The following ZNF804B variants were observed in gnomAD, a reference collection of about 807,000 sequenced individuals.
The protein encoded by ZNF804B is zinc finger 804B.
Under a neutral mutation model 101.4 loss-of-function variants are expected in ZNF804B, and 80 were observed. The ratio of observed to expected loss-of-function variants is 0.79; its 90% CI spans 0.66 to 0.95. The LOEUF is 0.95. ZNF804B is among the 40% of genes least tolerant of loss of function. ZNF804B has a pLI of 0.00. For synonymous variants in ZNF804B, 622 were observed against 558.8 expected (o/e 1.11, Z -1.59); for missense variants, 1,673 against 1,561.9 (o/e 1.07, Z -1.20).
At chr7:89,051,897 A>G (rs1203525744) in intron 1 of ZNF804B, among the ~76,000 whole-genome samples, 1 of 152,134 alleles carries the variant, frequency 6.6e-6, no homozygotes, top group Non-Finnish European at 1.5e-5. Context: ...TAAAATGGAA[A>G]GAATACCAAG....
intron 1 of ZNF804B, among the ~76,000 whole-genome samples, chr7:89,046,489 A>C (rs1584093280): frequency 6.6e-6 from 1 of 152,316 alleles, no homozygotes; most frequent in East Asian, 1.9e-4. Context: ...TCTGAACAAA[A>C]GGGTTTTGAT....
chr7:89,018,063 G>T (rs1195810772), intron 1 of ZNF804B, among the ~76,000 whole-genome samples: 1 of 151,784 alleles, frequency 6.6e-6, no homozygotes, highest in Non-Finnish European at 1.5e-5. Context: ...TTTAATAAAA[G>T]GAATGAAAGT....
chr7:88,923,021 T>C (rs1054646286), intron 1 of ZNF804B, among the ~76,000 whole-genome samples: 1 of 152,136 alleles, frequency 6.6e-6, no homozygotes, highest in Non-Finnish European at 1.5e-5. Context: ...AAGCCCTATA[T>C]ATTCCATATT....
intron 1 of ZNF804B, among the ~76,000 whole-genome samples, chr7:89,163,047 C>A (rs1791091434): frequency 6.6e-6 from 1 of 151,862 alleles, no homozygotes; most frequent in Admixed American, 6.6e-5. Context: ...TGTATATGTG[C>A]CACATTTTCT....
chr7:89,214,960 T>C (rs1788867418), intron 1 of ZNF804B, among the ~76,000 whole-genome samples: 2 of 152,220 alleles, frequency 1.3e-5, no homozygotes, highest in Admixed American at 1.3e-4. Flanking sequence ...CATTAGATTT[T>C]ATACAAAACA....
intron 1 of ZNF804B, among the ~76,000 whole-genome samples, chr7:89,150,354 G>T (rs1584016699): frequency 6.6e-6 from 1 of 152,060 alleles, no homozygotes; most frequent in East Asian, 1.9e-4. Context: ...CTGATGCTAT[G>T]TTGAGGCCCA....
At chr7:89,191,454 T>TTAA (rs1788454349) in intron 1 of ZNF804B, among the ~76,000 whole-genome samples, 1 of 152,060 alleles carries the variant, frequency 6.6e-6, no homozygotes, top group African/African-American at 2.4e-5. Flanking sequence ...ATCTGAATGC[T>TTAA]TTTAAGGCCT....
intron 1 of ZNF804B, among the ~76,000 whole-genome samples, chr7:88,766,777 TA>T (rs1789990769): frequency 6.6e-6 from 1 of 152,202 alleles, no homozygotes; most frequent in Non-Finnish European, 1.5e-5. Context: ...AAATCAATAA[TA>T]AAATATTGAA....
chr7:89,052,746 C>T (rs1789226714), intron 1 of ZNF804B, among the ~76,000 whole-genome samples: 1 of 152,120 alleles, frequency 6.6e-6, no homozygotes, highest in Non-Finnish European at 1.5e-5. Flanking sequence ...AAAACGTACT[C>T]ACATTTAGCC....
chr7:89,210,688 T>C (rs1340817139), intron 1 of ZNF804B, among the ~76,000 whole-genome samples: 5 of 152,228 alleles, frequency 3.3e-5, no homozygotes, highest in Non-Finnish European at 7.3e-5. Flanking sequence ...TTCATTTTCA[T>C]GGCTGCATAG....
intron 1 of ZNF804B, among the ~76,000 whole-genome samples, chr7:88,914,709 A>C (rs17165311): frequency 6.6e-6 from 1 of 152,106 alleles, no homozygotes; most frequent in African/African-American, 2.4e-5. Flanking sequence ...AAAAAAATGG[A>C]AACAGTACAT....
Position 89,335,467 on chromosome 7 carries a change from G to C in ZNF804B, c.2485G>C (p.Asp829His), listed in dbSNP as rs769658903. The C allele has an allele frequency of 1.2e-6, 2 of 1,613,956 alleles. No homozygotes were observed. The highest frequency in any genetic ancestry group is 1.7e-6 in the Non-Finnish European group (2 of 1,179,958). ...AAAATCTACGAGAATCATCTATTGT[G>C]ATTCTAACTCACAGATTTCCTGTAC... ...GLKSTRIIYC[D>H]SNSQISCTGS... The change falls in exon 4 of 4, where the codon GAT becomes CAT. Residue 829 changes from aspartate to histidine, a missense_variant. Physicochemically the swap from Asp to His is moderately conservative, Grantham distance 81 (BLOSUM62 -1). Transcript: ENST00000333190.
intron 1 of ZNF804B, among the ~76,000 whole-genome samples, chr7:89,176,070 C>G (rs1791313704): frequency 1.3e-5 from 2 of 151,884 alleles, no homozygotes; most frequent in Admixed American, 6.6e-5. Context: ...TCTAATTGCT[C>G]TAATTAGGAC....
chr7:89,126,919 C>T (rs1409027676), intron 1 of ZNF804B, among the ~76,000 whole-genome samples: 2 of 151,886 alleles, frequency 1.3e-5, no homozygotes, highest in Non-Finnish European at 2.9e-5. Context: ...AAAATGGTAC[C>T]TGCTCTGCCT....
At chr7:89,172,493 C>T (rs1045729680) in intron 1 of ZNF804B, among the ~76,000 whole-genome samples, 4 of 152,070 alleles carry the variant, frequency 2.6e-5, no homozygotes, top group East Asian at 1.9e-4. Flanking sequence ...ATTCTTCTCG[C>T]CTATGAAATT....
chr7:88,783,989 A>T (rs576323056), intron 1 of ZNF804B, among the ~76,000 whole-genome samples: 7 of 152,334 alleles, frequency 4.6e-5, no homozygotes, highest in African/African-American at 1.7e-4. Context: ...CATTACAGAG[A>T]TAAATGGTTC....
chr7:89,050,290 G>A (rs193187914), intron 1 of ZNF804B, among the ~76,000 whole-genome samples: 1 of 152,164 alleles, frequency 6.6e-6, no homozygotes, highest in African/African-American at 2.4e-5. Flanking sequence ...TCTGGTCTCA[G>A]ATGAAGGGAT....
intron 1 of ZNF804B, among the ~76,000 whole-genome samples, chr7:88,935,363 A>C (rs578168378): frequency 1.6e-4 from 21 of 128,558 alleles, no homozygotes; most frequent in Middle Eastern, 3.8e-3. Context: ...TTGAAGTAAA[A>C]GTAATTAAAA....
intron 2 of ZNF804B, among the ~76,000 whole-genome samples, chr7:89,305,178 A>G (rs1224342652): frequency 1.3e-5 from 2 of 152,114 alleles, no homozygotes; most frequent in East Asian, 3.9e-4. Flanking sequence ...TGCCTTGTAC[A>G]TAGTACTTTG....
Sources: allele counts gnomAD v4.1 joint callset (sites outside exome capture counted in the v4.1 genomes callset), GRCh38; gene constraint gnomAD v4.1.1; transcripts MANE v1.5; gene names NCBI Gene and HGNC (gene_info 2026-07-23, HGNC 2026-07-21).